ZNF280B: variants seen among roughly 807,000 people sequenced by gnomAD.
The protein encoded by ZNF280B is suppressor of hairy wing homolog 2.
ZNF280B carries 16 observed loss-of-function variants against 38.0 expected under a neutral mutation model. The observed-to-expected ratio is 0.42, with a 90% CI of 0.28 to 0.64. The LOEUF is 0.64. Among genes scored for constraint, ZNF280B ranks in the 30% least tolerant of loss-of-function variants. The pLI, the probability that ZNF280B is intolerant of heterozygous loss-of-function variation, is 0.21. For missense variants in ZNF280B, 581 were observed against 639.6 expected (o/e 0.91, Z 0.99); for synonymous variants, 253 against 230.6 (o/e 1.10, Z -0.88).
intron 2 of ZNF280B, among the ~76,000 whole-genome samples, chr22:22,505,558 TC>T (rs1480052221): frequency 6.7e-6 from 1 of 150,356 alleles, no homozygotes; most frequent in Non-Finnish European, 1.5e-5. Context: ...AGAGCAAGAC[TC>T]CATCTCAAAA....
rs372546010 is a variant in ZNF280B, at chr22:22,488,864, C to T, written c.535G>A (p.Glu179Lys). 2.2e-5 allele frequency: 36 copies of T among 1,613,518 alleles called. No homozygotes were observed. Among genetic ancestry groups the T allele is most frequent in the African/African-American group, 8.0e-5 (6 of 74,838 alleles). ...CTTTTGGGATTTATGCTGTTTACTT[C>T]GAAAGTGGAAAGTTGCTTTGATACA... Reference protein sequence around the residue: ...PRVSKQLSTFEVNSINPKRAK... With the variant: ...PRVSKQLSTFKVNSINPKRAK... Residue 179 changes from glutamate to lysine, a missense_variant, in exon 4 of 4, where the codon GAA (glutamate) becomes AAA (lysine). Glu to Lys is a moderately conservative substitution (Grantham distance 56, BLOSUM62 1). Coordinates refer to ENST00000626650, the MANE Select transcript of ZNF280B (RefSeq NM_080764.4).
At position 22,489,658 on chromosome 22, in the gene ZNF280B, G is replaced by A. The variant is rs1282682207; in HGVS notation, c.-68-192C>T. On this transcript the variant is annotated intron_variant, in intron 3 of 3. Transcript: ENST00000626650. ...TCTAGAATCATAACTTTGCTGTACT[G>A]ATTGTGCTCTATTCCATTTTAAAAA... Among the ~76,000 whole-genome samples the A allele has an allele frequency of 2.0e-5, 3 of 149,956 alleles. No individual in the cohort carries two copies. The East Asian group carries it at 6.1e-4, about 30-fold the overall frequency.
intron 2 of ZNF280B, among the ~76,000 whole-genome samples, chr22:22,504,741 C>T (rs2061899692): frequency 6.6e-6 from 1 of 151,832 alleles, no homozygotes; most frequent in African/African-American, 2.4e-5. Flanking sequence ...CCACAAAAAA[C>T]TAAGAGAGAA....
rs1601698103 is a variant in ZNF280B, at chr22:22,489,032, T to G, written c.367A>C (p.Lys123Gln). 1 of 1,613,892 alleles carries G rather than the reference T, an allele frequency of 6.2e-7. No homozygotes were observed. Among genetic ancestry groups the G allele is most frequent in the Non-Finnish European group, 8.5e-7 (1 of 1,179,956 alleles). Residue 123 changes from lysine (K) to glutamine (Q), a missense_variant, in exon 4 of 4, where the codon AAA (lysine) becomes CAA (glutamine). Coordinates refer to ENST00000626650, the MANE Select transcript of ZNF280B (RefSeq NM_080764.4). ...GGTGAACTATTTCTATAATCAGGTT[T>G]AGACAAAGGCTCAATAATAATAGGA... ...DSPIIIEPLS[K>Q]PDYRNSSPQV...
intron 3 of ZNF280B, among the ~76,000 whole-genome samples, chr22:22,490,889 T>G (rs1463842988): frequency 6.6e-6 from 1 of 151,662 alleles, no homozygotes; most frequent in Non-Finnish European, 1.5e-5. Flanking sequence ...AGGGCTCTAT[T>G]CCAAGTATCC....
chr22:22,492,974 A>G (rs2061626278), intron 3 of ZNF280B, among the ~76,000 whole-genome samples: 1 of 151,716 alleles, frequency 6.6e-6, no homozygotes, highest in Non-Finnish European at 1.5e-5. Flanking sequence ...CAACATGGCC[A>G]TTAGATTTAT....
At position 22,486,273 on chromosome 22, in the gene ZNF280B, T is replaced by A. The variant is rs2061500419; in HGVS notation, c.*1494A>T. The A allele has an allele frequency of 6.6e-6, 1 of 152,218 alleles. No homozygotes were observed. The highest frequency in any genetic ancestry group is 1.5e-5 in the Non-Finnish European group (1 of 68,020). 9.4% of individuals were successfully genotyped at this position (152,218 alleles called of 1,614,324 possible). On this transcript the variant is annotated 3_prime_UTR_variant, in exon 4 of 4. Transcript: ENST00000626650. ...TATGCACAGAAAAATATAAAGCCAT[T>A]ATGGGTTTAAATTCAGTCAGTCACC... is the stretch of plus-strand genomic sequence containing the variant.
chr22:22,498,836 C>T (rs575255986), intron 2 of ZNF280B, among the ~76,000 whole-genome samples: 5 of 115,926 alleles, frequency 4.3e-5, no homozygotes, highest in South Asian at 2.9e-4. Flanking sequence ...CTCGCTCTGT[C>T]GCCCAGGCTG....
rs753693092 is a variant in ZNF280B at position 22,489,269 on chromosome 22, G to A, written c.130C>T (p.Leu44=). 7.4e-6 allele frequency: 12 copies of A among 1,613,822 alleles called. No individual in the cohort carries two copies. The highest frequency in any genetic ancestry group is 1.0e-5 in the Non-Finnish European group (12 of 1,179,930). The stretch of plus-strand genomic sequence containing the variant: ...TTTGAAGTCACCCCAACAAAGATTA[G>A]CTCAGCATCTTCATTTACATGTTCC... The part of the protein sequence containing the change: ...GVEHVNEDAE[L]IFVGVTSNSK... The change falls in exon 4 of 4, where the codon CTA becomes TTA. Residue 44 remains leucine (L), a synonymous_variant. Transcript: ENST00000626650.
intron 2 of ZNF280B, among the ~76,000 whole-genome samples, chr22:22,501,437 G>A (rs945018923): frequency 2.6e-5 from 4 of 151,692 alleles, no homozygotes; most frequent in Non-Finnish European, 5.9e-5. Flanking sequence ...GGTGGCACGC[G>A]CCTGTAATCG....
intron 3 of ZNF280B, among the ~76,000 whole-genome samples, 160 bp from the exon 4 acceptor site, chr22:22,489,626 C>T (rs1380734043): frequency 1.3e-5 from 2 of 151,708 alleles, no homozygotes; most frequent in Admixed American, 6.6e-5. Context: ...GATCAGGTTC[C>T]TATGAATCTA....
chr22:22,497,124 C>G (rs13057545), intron 2 of ZNF280B, among the ~76,000 whole-genome samples: 4 of 142,838 alleles, frequency 2.8e-5, no homozygotes, highest in Non-Finnish European at 6.1e-5. Flanking sequence ...AGCCTGGGAT[C>G]TACTCCTAAG....
chr22:22,506,020 GGACTCTAGATAAAAATCTA>G (rs2061931139), intron 2 of ZNF280B, among the ~76,000 whole-genome samples: 1 of 151,110 alleles, frequency 6.6e-6, no homozygotes, highest in African/African-American at 2.4e-5. Context: ...CTAAGAAGTC[GGACTCTAGATAAAAATCTA>G]GAAGGCCCAC....
In ZNF280B at chr22:22,488,242, T is replaced by C; in HGVS notation, c.1157A>G (p.Gln386Arg). ...GTCCTTCATGTGTTGTAAGAGGACC[T>C]GATCTGTTTCAAATGACAATTCACA... The part of the protein sequence containing the change: ...KICELSFETD[Q>R]VLLQHMKDHH... The change falls in exon 4 of 4, where the codon CAG (glutamine) becomes CGG (arginine). Residue 386 changes from glutamine (Q) to arginine (R), a missense_variant. Physicochemically the swap from Gln to Arg is conservative, Grantham distance 43. Transcript: ENST00000626650. 1 of 1,613,912 alleles carries C rather than the reference T, an allele frequency of 6.2e-7. No individual in the cohort carries two copies. Among genetic ancestry groups the C allele is most frequent in the Non-Finnish European group, 8.5e-7 (1 of 1,179,970 alleles).
rs767491444 is a variant in ZNF280B, at chr22:22,488,596, G to C, written c.803C>G (p.Thr268Arg). 5.0e-6 allele frequency: 8 copies of C among 1,613,812 alleles called. No homozygotes were observed. The highest frequency in any genetic ancestry group is 6.8e-6 in the Non-Finnish European group (8 of 1,179,942). The change falls in exon 4 of 4, where the codon ACA becomes AGA. Residue 268 changes from threonine (T) to arginine (R), a missense_variant. Transcript: ENST00000626650. ...GGGATCAAAGGTCTTGTTTTGACTT[G>C]TTAGACTCAAAATGTCTGTTTTTGC... ...ELAKTDILSLTSQNKTFDPKK... is the reference protein window; with the variant it reads ...ELAKTDILSLRSQNKTFDPKK...
chr22:22,503,555 C>T (rs769271332), intron 2 of ZNF280B, among the ~76,000 whole-genome samples: 1 of 151,942 alleles, frequency 6.6e-6, no homozygotes, highest in Non-Finnish European at 1.5e-5. Flanking sequence ...AAGCTAGTAT[C>T]AGGTGGTCAA....
intron 1 of ZNF280B, 37 bp from the exon 2 acceptor site, chr22:22,507,907 T>C (rs2061972243): frequency 1.3e-5 from 2 of 152,106 alleles, no homozygotes; most frequent in South Asian, 2.1e-4. Context: ...GTTACTTACA[T>C]GTCACAAGAA....
chr22:22,494,427 G>A (rs1436742840), intron 2 of ZNF280B, among the ~76,000 whole-genome samples: 2 of 151,920 alleles, frequency 1.3e-5, no homozygotes, highest in Non-Finnish European at 2.9e-5. Context: ...AACAAGAGTA[G>A]CATTAGACCA....
At chr22:22,498,705 A>ACAT (rs2061749512) in intron 2 of ZNF280B, among the ~76,000 whole-genome samples, 2 of 151,210 alleles carry the variant, frequency 1.3e-5, no homozygotes, top group African/African-American at 2.4e-5. Flanking sequence ...AAAACTTTGC[A>ACAT]CATCTTTCTA....
Sources: gnomAD v4.1 joint callset for allele counts (sites outside exome capture counted in the v4.1 genomes callset) on GRCh38, gnomAD v4.1.1 for gene constraint, MANE v1.5 for transcripts, NCBI Gene and HGNC (gene_info 2026-07-23, HGNC 2026-07-21) for gene names.